Variants in SCN7A observed in about 807,000 individuals in gnomAD.
The protein encoded by SCN7A is sodium channel protein type 7 subunit alpha.
SCN7A carries 138 observed loss-of-function variants against 155.2 expected under a neutral mutation model. That is an observed-to-expected ratio of 0.89 (90% CI 0.77 to 1.02). SCN7A has a LOEUF of 1.02. Ranked by LOEUF, SCN7A falls within the 50% of genes least tolerant of loss-of-function variation. The pLI is 0.00. For synonymous variants in SCN7A, 693 were observed against 649.0 expected (o/e 1.07, Z -1.03); for missense variants, 2,058 against 1,986.6 (o/e 1.04, Z -0.68).
chr2:166,429,283 T>C lies in SCN7A; in HGVS notation c.2593-9A>G. 6.8e-7 allele frequency: 1 copy of C among 1,477,390 alleles called. No homozygotes were observed. Among genetic ancestry groups the C allele is most frequent in the Non-Finnish European group, 9.1e-7 (1 of 1,095,730 alleles). The allele number at this position is 1,477,390 out of a possible 1,614,324, so 91.5% of individuals were successfully genotyped here. A position where few individuals can be genotyped will look rare whatever the true frequency, so the allele number is the denominator to read the frequency against. ...CTAGATTGCTTTATTTTCTAAAAGG[T>C]GAAGTCCCACCAAAAAAGTTGTGAT... On this transcript the variant is annotated splice_polypyrimidine_tract_variant and intron_variant, in intron 16 of 25. Coordinates refer to ENST00000643258, the MANE Select transcript of SCN7A (RefSeq NM_002976.4).
chr2:166,414,186 T>A (rs1170144587), intron 21 of SCN7A, among the ~76,000 whole-genome samples: 1 of 58,904 alleles, frequency 1.7e-5, no homozygotes, highest in East Asian at 4.2e-4. Context: ...TAAATATATA[T>A]AATATATAAT....
chr2:166,476,038 T>C (rs1228536768), intron 3 of SCN7A, among the ~76,000 whole-genome samples: 1 of 151,934 alleles, frequency 6.6e-6, no homozygotes, highest in Admixed American at 6.6e-5. Context: ...TACTGTGCCA[T>C]ATCAATTATT....
At chr2:166,438,130 T>C (rs1201883234) in intron 15 of SCN7A, among the ~76,000 whole-genome samples, 1 of 152,144 alleles carries the variant, frequency 6.6e-6, no homozygotes, top group East Asian at 1.9e-4. Flanking sequence ...ATAATCCTCA[T>C]GTGTTATGGG....
chr2:166,446,292 T>C (rs139316455), intron 12 of SCN7A, among the ~76,000 whole-genome samples: 1,982 of 152,260 alleles, frequency 0.013, 53 homozygotes, highest in African/African-American at 0.045. Context: ...CTAGTCATTA[T>C]AGAAATGCAA....
chr2:166,480,093 A>C (rs1008767872), intron 2 of SCN7A, among the ~76,000 whole-genome samples: 3 of 152,228 alleles, frequency 2.0e-5, no homozygotes, highest in Non-Finnish European at 4.4e-5. Context: ...GATGCTCTGA[A>C]TAAGTACAAT....
intron 12 of SCN7A, among the ~76,000 whole-genome samples, chr2:166,447,360 A>C (rs1702085966): frequency 2.0e-5 from 3 of 152,194 alleles, no homozygotes; most frequent in Admixed American, 2.0e-4. Flanking sequence ...ATATTTAGTC[A>C]CAAGTTAATA....
rs769990717 is a variant in SCN7A at position 166,416,657 on chromosome 2, CA to C, written c.3414+49del. ...CATTTTGTCCTTTGCATTCAACCTA[CA>C]ATATGGATGAATATATAATTAATAA... On this transcript the variant is annotated intron_variant, in intron 21 of 25. Transcript: ENST00000643258. 10 of 1,465,170 alleles carry C rather than the reference CA, an allele frequency of 6.8e-6. No homozygotes were observed. In the South Asian group the frequency reaches 1.1e-4, roughly 16 times the overall value. 90.8% of individuals were successfully genotyped at this position (1,465,170 alleles called of 1,614,324 possible). A position where few individuals can be genotyped will look rare whatever the true frequency, so the allele number is the denominator to read the frequency against.
intron 15 of SCN7A, among the ~76,000 whole-genome samples, chr2:166,439,055 G>GTGTGTATATATATA (rs375208870): frequency 0.012 from 1,306 of 113,296 alleles, 19 homozygotes; most frequent in East Asian, 0.045. Flanking sequence ...GTGTGTGTGT[G>GTGTGTATATATATA]TATATATATA....
chr2:166,428,618 T>C (rs371481073), intron 17 of SCN7A, among the ~76,000 whole-genome samples: 2 of 151,672 alleles, frequency 1.3e-5, no homozygotes, highest in South Asian at 4.2e-4. Context: ...GAAATGGAGG[T>C]AGGTGGAGTT....
chr2:166,410,896 T>C (rs1701188409), intron 23 of SCN7A, among the ~76,000 whole-genome samples: 1 of 151,998 alleles, frequency 6.6e-6, no homozygotes. Context: ...GTAATATATG[T>C]GAAGTGAATA....
chr2:166,418,113 A>AT (rs941571761), intron 20 of SCN7A, among the ~76,000 whole-genome samples: 1 of 149,866 alleles, frequency 6.7e-6, no homozygotes, highest in Non-Finnish European at 1.5e-5. Flanking sequence ...TAGCTTTTTT[A>AT]TTTTTTTATT....
chr2:166,429,751 C>A (rs2105407441), intron 16 of SCN7A, among the ~76,000 whole-genome samples: 1 of 152,016 alleles, frequency 6.6e-6, no homozygotes, highest in East Asian at 1.9e-4. Context: ...TATGTCATCA[C>A]AGGATGGGAT....
intron 11 of SCN7A, among the ~76,000 whole-genome samples, chr2:166,449,036 T>G (rs1702124013): frequency 6.6e-6 from 1 of 152,158 alleles, no homozygotes. Flanking sequence ...TTATCATGTC[T>G]CTTGAATAAT....
At position 166,416,953 on chromosome 2, in the gene SCN7A, T is replaced by C. The variant is rs1484218417; in HGVS notation, c.3168A>G (p.Leu1056=). The change falls in exon 21 of 26, where the codon TTA becomes TTG. Residue 1056 remains leucine (L), a synonymous_variant. Transcript: ENST00000643258. ...AGACAAGAAACACATTCAAAGTGGG[T>C]AAGGTTGTTTTGATCAAAGCTCTCA... ...VVVRALIKTT[L]PTLNVFLVCL... is the part of the protein sequence containing the mutation. 2 of 1,606,536 alleles carry C rather than the reference T, an allele frequency of 1.2e-6. No individual in the cohort carries two copies. Among genetic ancestry groups the C allele is most frequent in the Admixed American group, 1.7e-5 (1 of 59,026 alleles).
intron 2 of SCN7A, among the ~76,000 whole-genome samples, chr2:166,482,183 C>A (rs1702944619): frequency 6.6e-6 from 1 of 152,002 alleles, no homozygotes; most frequent in African/African-American, 2.4e-5. Context: ...ATTGAATTAA[C>A]AAAATCAGTA....
chr2:166,477,022 A>G (rs1172709511), intron 3 of SCN7A, among the ~76,000 whole-genome samples: 1 of 152,068 alleles, frequency 6.6e-6, no homozygotes, highest in Non-Finnish European at 1.5e-5. Context: ...AAGTGTATGT[A>G]TGTATGAATG....
At chr2:166,449,127 A>G (rs532134363) in intron 11 of SCN7A, among the ~76,000 whole-genome samples, 1 of 152,322 alleles carries the variant, frequency 6.6e-6, no homozygotes, top group African/African-American at 2.4e-5. Context: ...AGATATTACA[A>G]ATTCTATGCA....
At chr2:166,406,724 CTTAA>C (rs752747998) in intron 25 of SCN7A, 78 bp from the exon 26 acceptor site, 7 of 989,252 alleles carry the variant, frequency 7.1e-6, no homozygotes, top group Non-Finnish European at 9.0e-6. Context: ...TTATTTTACA[CTTAA>C]TTGTTTTTCC....
At chr2:166,431,714 C>T (rs866813487) in intron 16 of SCN7A, among the ~76,000 whole-genome samples, 3 of 151,868 alleles carry the variant, frequency 2.0e-5, no homozygotes, top group Non-Finnish European at 4.4e-5. Flanking sequence ...AAAGCCAGTG[C>T]GTTATAAAGC....
Sources: gnomAD v4.1 joint callset for allele counts (sites outside exome capture counted in the v4.1 genomes callset) on GRCh38, gnomAD v4.1.1 for gene constraint, MANE v1.5 for transcripts, NCBI Gene and HGNC (gene_info 2026-07-23, HGNC 2026-07-21) for gene names.